The following RGS17 variants were observed in gnomAD, a reference collection of about 807,000 sequenced individuals.
The protein encoded by RGS17 is regulator of G protein signaling 17.
Under a neutral mutation model 25.5 loss-of-function variants are expected in RGS17, and 12 were observed. The ratio of observed to expected loss-of-function variants is 0.47; its 90% CI spans 0.30 to 0.76. The LOEUF is 0.76. RGS17 is among the 30% of genes least tolerant of loss of function. The pLI is 0.07. For synonymous variants in RGS17, 71 were observed against 76.9 expected (o/e 0.92, Z 0.40); for missense variants, 196 against 242.2 (o/e 0.81, Z 1.27).
intron 2 of RGS17, among the ~76,000 whole-genome samples, chr6:153,042,774 GGT>G (rs1401486820): frequency 6.6e-6 from 1 of 152,134 alleles, no homozygotes; most frequent in Non-Finnish European, 1.5e-5. Context: ...TCGTCACCAA[GGT>G]TACCACTCTA....
chr6:153,105,194 C>T (rs1199886724), intron 1 of RGS17, among the ~76,000 whole-genome samples: 4 of 152,176 alleles, frequency 2.6e-5, no homozygotes, highest in Admixed American at 2.6e-4. Flanking sequence ...TTCAATAACT[C>T]TGTCCTAGGC....
intron 1 of RGS17, among the ~76,000 whole-genome samples, chr6:153,087,958 C>CAAAGTGATGAG (rs1466761075): frequency 6.6e-6 from 1 of 152,096 alleles, no homozygotes; most frequent in East Asian, 1.9e-4. Flanking sequence ...AGAATAAGAC[C>CAAAGTGATGAG]AAAGTGATGA....
In RGS17 at chr6:153,006,415, C is replaced by CATCTATCT. The variant is rs150563901; in HGVS notation, c.*5151_*5158dup. 1.3e-5 allele frequency: 2 copies of CATCTATCT among 151,856 alleles called. No individual in the cohort carries two copies. Among genetic ancestry groups the CATCTATCT allele is most frequent in the African/African-American group, 4.8e-5 (2 of 41,240 alleles). 9.4% of individuals were successfully genotyped at this position (151,856 alleles called of 1,614,324 possible). ...AACCTATAATTGTATATCCATTTAT[C>CATCTATCT]ATCTATCTATCATCTATCTATCAAT... On this transcript the variant is annotated 3_prime_UTR_variant, in exon 5 of 5. Coordinates refer to ENST00000206262, the MANE Select transcript of RGS17 (RefSeq NM_012419.5).
intron 1 of RGS17, among the ~76,000 whole-genome samples, chr6:153,098,575 C>T (rs1777251666): frequency 6.6e-6 from 1 of 152,114 alleles, no homozygotes; most frequent in Non-Finnish European, 1.5e-5. Flanking sequence ...GATCAGCTAC[C>T]TCAGGGAAGT....
At chr6:153,121,992 T>C (rs1171770742) in intron 1 of RGS17, among the ~76,000 whole-genome samples, 11 of 152,212 alleles carry the variant, frequency 7.2e-5, no homozygotes, top group Admixed American at 7.2e-4. Flanking sequence ...TTAGGTCACA[T>C]GAATTCACAA....
intron 1 of RGS17, among the ~76,000 whole-genome samples, chr6:153,086,941 C>T (rs1777060968): frequency 6.6e-6 from 1 of 152,152 alleles, no homozygotes; most frequent in Non-Finnish European, 1.5e-5. Context: ...CAGTTCATTA[C>T]ATCATCATTG....
chr6:153,035,969 T>TA (rs1275638033), intron 2 of RGS17, among the ~76,000 whole-genome samples: 2 of 152,236 alleles, frequency 1.3e-5, no homozygotes, highest in African/African-American at 4.8e-5. Flanking sequence ...TTATGATTCT[T>TA]ATTGTATTGG....
At chr6:153,129,665 A>T (rs1297582867) in intron 1 of RGS17, among the ~76,000 whole-genome samples, 2 of 152,174 alleles carry the variant, frequency 1.3e-5, no homozygotes, top group African/African-American at 2.4e-5. Flanking sequence ...CCAAACTAAG[A>T]TTTCTCTTTA....
chr6:153,081,872 G>A lies in RGS17; in HGVS notation c.-25-37829C>T, dbSNP rs562227717. Among the ~76,000 whole-genome samples, 18 of 152,198 alleles carry A rather than the reference G, an allele frequency of 1.2e-4. No homozygotes were observed. In the East Asian group the frequency reaches 3.5e-3, roughly 29 times the overall value. On this transcript the variant is annotated intron_variant, in intron 1 of 4. Coordinates refer to ENST00000206262, the MANE Select transcript of RGS17 (RefSeq NM_012419.5). ...GCTTTGTGCAGATCTGTTTCTACAT[G>A]GTATTACTTACTTTGTGGCTGAATA...
chr6:153,090,862 T>TATAC (rs1468185171), intron 1 of RGS17, among the ~76,000 whole-genome samples: 1 of 151,696 alleles, frequency 6.6e-6, no homozygotes, highest in East Asian at 1.9e-4. Flanking sequence ...TATATATATA[T>TATAC]AGGGTTCTGT....
chr6:153,061,834 CAT>C (rs1234219980), intron 1 of RGS17, among the ~76,000 whole-genome samples: 2 of 152,136 alleles, frequency 1.3e-5, no homozygotes, highest in Admixed American at 6.6e-5. Flanking sequence ...TTTTGTACTT[CAT>C]AATACCTGTA....
chr6:153,128,970 A>G (rs905959961), intron 1 of RGS17, among the ~76,000 whole-genome samples: 3 of 152,224 alleles, frequency 2.0e-5, no homozygotes, highest in Admixed American at 6.5e-5. Context: ...ATCAATCAGC[A>G]TAACAGACAC....
chr6:153,113,440 A>G (rs1246769022), intron 1 of RGS17, among the ~76,000 whole-genome samples: 1 of 152,208 alleles, frequency 6.6e-6, no homozygotes, highest in Non-Finnish European at 1.5e-5. Flanking sequence ...GTAAGTTCTT[A>G]GAGGCCTATT....
chr6:153,038,173 G>A (rs753801731), intron 2 of RGS17, among the ~76,000 whole-genome samples: 4 of 152,154 alleles, frequency 2.6e-5, no homozygotes, highest in Non-Finnish European at 4.4e-5. Flanking sequence ...AGACCTCACC[G>A]TGCAGAGCCC....
intron 1 of RGS17, among the ~76,000 whole-genome samples, chr6:153,056,760 CACTG>C (rs947034582): frequency 6.6e-6 from 1 of 151,748 alleles, no homozygotes; most frequent in Middle Eastern, 3.2e-3. Flanking sequence ...AATCTTTGTG[CACTG>C]ACTAATATTA....
At chr6:153,053,953 C>A (rs1251822954) in intron 1 of RGS17, among the ~76,000 whole-genome samples, 1 of 52,044 alleles carries the variant, frequency 1.9e-5, no homozygotes. Flanking sequence ...AATATATATA[C>A]ATATATATTA....
intron 1 of RGS17, among the ~76,000 whole-genome samples, chr6:153,110,279 T>A (rs1361304674): frequency 1.3e-5 from 2 of 152,174 alleles, no homozygotes; most frequent in Admixed American, 1.3e-4. Flanking sequence ...CACTTCCTAG[T>A]CTATCTCCAG....
chr6:153,032,637 A>T (rs1401297558), intron 2 of RGS17, among the ~76,000 whole-genome samples: 1 of 152,168 alleles, frequency 6.6e-6, no homozygotes, highest in Non-Finnish European at 1.5e-5. Context: ...CTTTCTAAGG[A>T]ATCTAAAAGG....
At chr6:153,118,927 T>C (rs6901126) in intron 1 of RGS17, among the ~76,000 whole-genome samples, 68,949 of 152,002 alleles carry the variant, frequency 0.45, 16,245 homozygotes, top group East Asian at 0.85. Context: ...TTTTATGGCA[T>C]ATTACAGTGT....
Sources: gnomAD v4.1 joint callset for allele counts (sites outside exome capture counted in the v4.1 genomes callset) on GRCh38, gnomAD v4.1.1 for gene constraint, MANE v1.5 for transcripts, NCBI Gene and HGNC (gene_info 2026-07-23, HGNC 2026-07-21) for gene names.